Variants in SIM1 observed in about 807,000 individuals in gnomAD.
SIM1 encodes the protein single-minded homolog 1.
Under a neutral mutation model 78.2 loss-of-function variants are expected in SIM1, and 18 were observed. That is an observed-to-expected ratio of 0.23 (90% confidence interval 0.16 to 0.34). The LOEUF (loss-of-function observed/expected upper bound fraction) is 0.34. SIM1 is among the 10% of genes least tolerant of loss of function. SIM1 has a pLI of 1.00. For synonymous variants in SIM1, 417 were observed against 385.2 expected (o/e 1.08, Z -0.97); for missense variants, 939 against 975.1 (o/e 0.96, Z 0.49).
chr6:100,399,861 T>A (rs192335358), intron 10 of SIM1, among the ~76,000 whole-genome samples: 1 of 152,140 alleles, frequency 6.6e-6, no homozygotes, highest in Non-Finnish European at 1.5e-5. Flanking sequence ...ACTGATCATG[T>A]GACATGCCTA....
rs774159908 is a variant in SIM1, at chr6:100,463,479, T to C, written c.-11A>G. 2 of 1,593,368 alleles carry C rather than the reference T, an allele frequency of 1.3e-6. No individual in the cohort carries two copies. The highest frequency in any genetic ancestry group is 1.7e-6 in the Non-Finnish European group (2 of 1,163,542). On this transcript the variant is annotated 5_prime_UTR_variant, in exon 2 of 12. Coordinates refer to ENST00000369208, the MANE Select transcript of SIM1 (RefSeq NM_005068.3). ...GGACTTTTCTTTCATTGTGTCTTGTTCCCCCTTTCTTCTCACAACTTAAGC... is the reference window on the plus strand; with the variant it reads ...GGACTTTTCTTTCATTGTGTCTTGTCCCCCCTTTCTTCTCACAACTTAAGC...
chr6:100,447,633 G>A (rs1225578870), intron 8 of SIM1, among the ~76,000 whole-genome samples: 1 of 152,238 alleles, frequency 6.6e-6, no homozygotes, highest in Non-Finnish European at 1.5e-5. Flanking sequence ...TGATACAGGG[G>A]TGGCCAGATG....
At chr6:100,405,284 C>G (rs1771025561) in intron 10 of SIM1, among the ~76,000 whole-genome samples, 1 of 151,868 alleles carries the variant, frequency 6.6e-6, no homozygotes, top group Non-Finnish European at 1.5e-5. Flanking sequence ...ATTACATCAA[C>G]CTTGAGTCAC....
At chr6:100,451,240 G>A (rs1404710746) in intron 3 of SIM1, among the ~76,000 whole-genome samples, 1 of 152,186 alleles carries the variant, frequency 6.6e-6, no homozygotes, top group African/African-American at 2.4e-5. Flanking sequence ...AGGCCTTAGG[G>A]GAGCTGATGT....
At chr6:100,464,422 G>A (rs1772937960) in intron 1 of SIM1, among the ~76,000 whole-genome samples, 192 bp downstream of exon 1, 1 of 152,184 alleles carries the variant, frequency 6.6e-6, no homozygotes, top group Admixed American at 6.5e-5. Flanking sequence ...GACTCCCAAG[G>A]CGACCCAGCG....
intron 2 of SIM1, among the ~76,000 whole-genome samples, chr6:100,456,337 G>T (rs1220801803): frequency 6.6e-6 from 1 of 152,160 alleles, no homozygotes; most frequent in Non-Finnish European, 1.5e-5. Context: ...AGTTGGCGAG[G>T]GGGTAAGCTG....
intron 8 of SIM1, among the ~76,000 whole-genome samples, chr6:100,447,692 C>T (rs1212585995): frequency 1.3e-5 from 2 of 152,214 alleles, no homozygotes; most frequent in African/African-American, 4.8e-5. Context: ...GAGGTTTCCT[C>T]CAGATTCGCT....
At chr6:100,397,117 G>C (rs184578595) in intron 10 of SIM1, among the ~76,000 whole-genome samples, 97 of 152,226 alleles carry the variant, frequency 6.4e-4, no homozygotes, top group Non-Finnish European at 8.1e-4. Flanking sequence ...AAGTTATTGT[G>C]TAAATTATAA....
chr6:100,459,584 C>T (rs1403359711), intron 2 of SIM1, among the ~76,000 whole-genome samples: 1 of 152,190 alleles, frequency 6.6e-6, no homozygotes, highest in Non-Finnish European at 1.5e-5. Flanking sequence ...AATATAACAC[C>T]ATTAAGAATT....
intron 11 of SIM1, among the ~76,000 whole-genome samples, chr6:100,392,597 A>G (rs550180338): frequency 2.2e-4 from 34 of 152,248 alleles, no homozygotes; most frequent in Non-Finnish European, 4.4e-4. Flanking sequence ...ATAGAAACAG[A>G]TTAAAATTAC....
chr6:100,389,874 T>C lies in SIM1; in HGVS notation c.*487A>G. The C allele has an allele frequency of 2.5e-6, 1 of 398,116 alleles. No individual in the cohort carries two copies. Among genetic ancestry groups the C allele is most frequent in the East Asian group, 3.6e-5 (1 of 28,034 alleles). The allele number at this position is 398,116 out of a possible 1,614,324, so 24.7% of individuals were successfully genotyped here. ...TGTATCTCTCTCTTTCTCAGTTATTTTGGGAATGGAAATTTCGTTAAGAAG... is the reference window on the plus strand; with the variant it reads ...TGTATCTCTCTCTTTCTCAGTTATTCTGGGAATGGAAATTTCGTTAAGAAG... On this transcript the variant is annotated 3_prime_UTR_variant, in exon 12 of 12. Transcript: ENST00000369208.
intron 9 of SIM1, among the ~76,000 whole-genome samples, chr6:100,425,472 T>G (rs763220127): frequency 6.6e-6 from 1 of 152,206 alleles, no homozygotes; most frequent in Non-Finnish European, 1.5e-5. Context: ...TTCCTGCTTC[T>G]CTGTTCAAAA....
rs866789007 is a variant in SIM1 at position 100,389,890 on chromosome 6, C to T, written c.*471G>A. On this transcript the variant is annotated 3_prime_UTR_variant, in exon 12 of 12. Coordinates refer to ENST00000369208, the MANE Select transcript of SIM1 (RefSeq NM_005068.3). ...TCAGTTATTTTGGGAATGGAAATTT[C>T]GTTAAGAAGTTTAGTGTGACAGAGT... is the stretch of plus-strand genomic sequence containing the variant. The T allele has an allele frequency of 7.6e-6, 3 of 396,548 alleles. No homozygotes were observed. Among genetic ancestry groups the T allele is most frequent in the Admixed American group, 4.4e-5 (1 of 22,798 alleles). The allele number at this position is 396,548 out of a possible 1,614,324, so 24.6% of individuals were successfully genotyped here.
intron 10 of SIM1, among the ~76,000 whole-genome samples, chr6:100,410,276 G>A (rs1345505085): frequency 6.6e-6 from 1 of 152,012 alleles, no homozygotes; most frequent in East Asian, 1.9e-4. Flanking sequence ...CGTTTTGATA[G>A]TAGATTCAGC....
At chr6:100,455,280 CG>C (rs910333448) in intron 2 of SIM1, among the ~76,000 whole-genome samples, 6 of 152,116 alleles carry the variant, frequency 3.9e-5, no homozygotes, top group African/African-American at 1.4e-4. Context: ...CGCCCGCACT[CG>C]GGACTCCTCT....
chr6:100,458,166 A>G (rs1327431154), intron 2 of SIM1, among the ~76,000 whole-genome samples: 1 of 152,080 alleles, frequency 6.6e-6, no homozygotes, highest in Non-Finnish European at 1.5e-5. Flanking sequence ...AGCCGCGAAA[A>G]GACGGCAGAA....
In SIM1 at chr6:100,390,011, G is replaced by A. The variant is rs761504306; in HGVS notation, c.*350C>T. 2.5e-6 allele frequency: 1 copy of A among 394,614 alleles called. No individual in the cohort carries two copies. Among genetic ancestry groups the A allele is most frequent in the Non-Finnish European group, 4.5e-6 (1 of 222,572 alleles). 24.4% of individuals were successfully genotyped at this position (394,614 alleles called of 1,614,324 possible). On this transcript the variant is annotated 3_prime_UTR_variant, in exon 12 of 12. Coordinates refer to ENST00000369208, the MANE Select transcript of SIM1 (RefSeq NM_005068.3). ...GCAGTTTGTAAGTAATAGTTTGTGT[G>A]TTTGAGGATCACTGGATAGTCACAA...
At chr6:100,448,076 G>T (rs1038857308) in intron 8 of SIM1, 70 bp downstream of exon 8, 2 of 1,279,984 alleles carry the variant, frequency 1.6e-6, no homozygotes, top group Non-Finnish European at 2.2e-6. Flanking sequence ...GATTTAAATC[G>T]TGGCTCCCCC....
intron 8 of SIM1, among the ~76,000 whole-genome samples, chr6:100,447,741 C>G (rs1393659780): frequency 6.6e-6 from 1 of 152,216 alleles, no homozygotes; most frequent in African/African-American, 2.4e-5. Context: ...CAGCTGAGCT[C>G]CGGCGCTCAC....
Sources: allele counts gnomAD v4.1 joint callset (sites outside exome capture counted in the v4.1 genomes callset), GRCh38; gene constraint gnomAD v4.1.1; transcripts MANE v1.5; gene names NCBI Gene and HGNC (gene_info 2026-07-23, HGNC 2026-07-21).